The following GRHL2 variants were observed in gnomAD, a reference collection of about 807,000 sequenced individuals.
GRHL2 encodes grainyhead-like protein 2 homolog.
In GRHL2, 21 loss-of-function variants were observed where a neutral mutation model predicts 83.8. That is an observed-to-expected ratio of 0.25 (90% CI 0.18 to 0.36). The LOEUF (loss-of-function observed/expected upper bound fraction) is 0.36, where lower values mean the gene tolerates loss of function less well. GRHL2 is among the 10% of genes least tolerant of loss of function. The pLI is 1.00. For synonymous variants in GRHL2, 280 were observed against 278.9 expected (o/e 1.00, Z -0.04); for missense variants, 623 against 781.8 (o/e 0.80, Z 2.42).
At chr8:101,612,520 G>GATAGATAGATAC (rs371662487) in intron 8 of GRHL2, among the ~76,000 whole-genome samples, 2,951 of 123,638 alleles carry the variant, frequency 0.024, 89 homozygotes, top group African/African-American at 0.056. Flanking sequence ...TAGATAGATA[G>GATAGATAGATAC]ATACATACAT....
chr8:101,583,754 G>A (rs371360941), intron 7 of GRHL2, among the ~76,000 whole-genome samples: 5 of 152,160 alleles, frequency 3.3e-5, no homozygotes, highest in Admixed American at 2.6e-4. Context: ...CCACGTTCTC[G>A]GGAAGGCATA....
intron 8 of GRHL2, among the ~76,000 whole-genome samples, chr8:101,610,567 T>A (rs1413974993): frequency 6.6e-6 from 1 of 150,874 alleles, no homozygotes; most frequent in Non-Finnish European, 1.5e-5. Context: ...TTGACGATAG[T>A]AAAATTCTTT....
intron 1 of GRHL2, among the ~76,000 whole-genome samples, chr8:101,518,848 C>A (rs932992987): frequency 2.6e-5 from 4 of 152,144 alleles, no homozygotes; most frequent in Non-Finnish European, 4.4e-5. Flanking sequence ...GGCTTCTGTC[C>A]ATGTTGGGAG....
At chr8:101,634,535 C>T (rs1813249377) in intron 11 of GRHL2, among the ~76,000 whole-genome samples, 1 of 152,122 alleles carries the variant, frequency 6.6e-6, no homozygotes, top group Admixed American at 6.5e-5. Context: ...GCTGGTTTCC[C>T]TTAAGTGGGT....
Position 101,543,423 on chromosome 8 carries a change from A to G in GRHL2, c.203A>G (p.Tyr68Cys), listed in dbSNP as rs772426012. The change falls in exon 2 of 16, where the codon TAT becomes TGT. Residue 68 changes from tyrosine to cysteine, a missense_variant. Physicochemically the swap from Tyr to Cys is radical, Grantham distance 194 (BLOSUM62 -2). This residue lies in a region of GRHL2 where 239 missense variants were observed against 240.5 expected (regional missense o/e 0.99). Coordinates refer to ENST00000646743, the MANE Select transcript of GRHL2 (RefSeq NM_024915.4). Reference protein sequence around the residue: ...EDSAAALGLLYDYYKVPRDKR... With the variant: ...EDSAAALGLLCDYYKVPRDKR... ...AGTGCTGCTGCCCTCGGCCTGCTCTATGACTACTACAAGGTAGGTCCCCAG... is the reference window on the plus strand; with the variant it reads ...AGTGCTGCTGCCCTCGGCCTGCTCTGTGACTACTACAAGGTAGGTCCCCAG... 2 of 1,614,070 alleles carry G rather than the reference A, an allele frequency of 1.2e-6. No individual in the cohort carries two copies. Among genetic ancestry groups the G allele is most frequent in the Non-Finnish European group, 8.5e-7 (1 of 1,179,926 alleles).
Position 101,504,976 on chromosome 8 carries a change from A to G in GRHL2, c.20+12187A>G, listed in dbSNP as rs1467751734. Among the ~76,000 whole-genome samples the G allele has an allele frequency of 3.2e-5, 3 of 94,930 alleles. No individual in the cohort carries two copies. The East Asian group carries it at 1.4e-3, about 43-fold the overall frequency. 62.3% of individuals were successfully genotyped at this position (94,930 alleles called of 152,430 possible). A position where few individuals can be genotyped will look rare whatever the true frequency, so the allele number is the denominator to read the frequency against. ...CTGAAGTTGCCAACATTGCATTAGG[A>G]AAAAAAAAAAAAAAAGAGGAGGCTA... is the stretch of plus-strand genomic sequence containing the variant. On this transcript the variant is annotated intron_variant, in intron 1 of 15. Coordinates refer to ENST00000646743, the MANE Select transcript of GRHL2 (RefSeq NM_024915.4).
At chr8:101,645,723 C>T (rs1480145506) in intron 13 of GRHL2, among the ~76,000 whole-genome samples, 5 of 152,208 alleles carry the variant, frequency 3.3e-5, no homozygotes, top group Middle Eastern at 3.4e-3. Flanking sequence ...GGCAGCACTC[C>T]GTGTTCGCTG....
At chr8:101,552,979 TC>T (rs1340623900) in intron 3 of GRHL2, among the ~76,000 whole-genome samples, 197 bp downstream of exon 3, 1 of 152,222 alleles carries the variant, frequency 6.6e-6, no homozygotes, top group Admixed American at 6.5e-5. Context: ...CCAAAGGGTC[TC>T]TCCACCCTCT....
In GRHL2 at chr8:101,662,749, A is replaced by G. The variant is rs558496784; in HGVS notation, c.1699-1705A>G. ...CACAATGATTGTAAAAATAAATAGA[A>G]CAGAATTTTTCAAAATAAAAAGTAA... On this transcript the variant is annotated intron_variant, in intron 14 of 15. Coordinates refer to ENST00000646743, the MANE Select transcript of GRHL2 (RefSeq NM_024915.4). Among the ~76,000 whole-genome samples the G allele has an allele frequency of 2.1e-3, 313 of 152,254 alleles. 2 individuals carry two copies. The highest frequency in any genetic ancestry group is 3.0e-3 in the Non-Finnish European group (204 of 68,008).
intron 1 of GRHL2, among the ~76,000 whole-genome samples, chr8:101,515,965 A>C (rs1810564499): frequency 6.6e-6 from 1 of 152,192 alleles, no homozygotes; most frequent in South Asian, 2.1e-4. Context: ...AGAAAATGGG[A>C]GCGCAGGTTG....
chr8:101,620,026 CT>C (rs1024693154), intron 9 of GRHL2, among the ~76,000 whole-genome samples: 14 of 152,012 alleles, frequency 9.2e-5, no homozygotes, highest in Admixed American at 2.6e-4. Context: ...GTTCTAGAGG[CT>C]GGAAAGTCCA....
At chr8:101,499,072 CAAA>C (rs397965242) in intron 1 of GRHL2, among the ~76,000 whole-genome samples, 2 of 91,292 alleles carry the variant, frequency 2.2e-5, no homozygotes, top group African/African-American at 3.7e-5. Flanking sequence ...GACTCCGTCT[CAAA>C]AAAAAAAAAA....
intron 1 of GRHL2, among the ~76,000 whole-genome samples, chr8:101,532,221 T>C (rs1326516063): frequency 6.6e-6 from 1 of 152,226 alleles, no homozygotes; most frequent in African/African-American, 2.4e-5. Flanking sequence ...GAAAATTGGT[T>C]CATTAATTTC....
chr8:101,595,903 G>A (rs1052612137), intron 7 of GRHL2, among the ~76,000 whole-genome samples: 5 of 152,134 alleles, frequency 3.3e-5, no homozygotes, highest in African/African-American at 4.8e-5. Flanking sequence ...GGTGGATCAC[G>A]AGGTCAGGAG....
At chr8:101,502,835 CTTCT>C in intron 1 of GRHL2, among the ~76,000 whole-genome samples, 1 of 152,028 alleles carries the variant, frequency 6.6e-6, no homozygotes, top group African/African-American at 2.4e-5. Flanking sequence ...TCCCCTTCTC[CTTCT>C]TTTTTTTCTT....
intron 4 of GRHL2, among the ~76,000 whole-genome samples, chr8:101,560,244 G>A (rs1811581118): frequency 6.6e-6 from 1 of 152,106 alleles, no homozygotes; most frequent in South Asian, 2.1e-4. Flanking sequence ...TGTCAGGCTG[G>A]TCTTGAACTC....
intron 1 of GRHL2, among the ~76,000 whole-genome samples, chr8:101,538,133 T>G (rs143065150): frequency 2.6e-5 from 4 of 152,322 alleles, no homozygotes; most frequent in African/African-American, 9.6e-5. Context: ...AGTGTCTTTA[T>G]AAGTGGATTT....
chr8:101,611,918 CTCTT>C (rs1036959156), intron 8 of GRHL2, among the ~76,000 whole-genome samples: 1 of 151,092 alleles, frequency 6.6e-6, no homozygotes, highest in African/African-American at 2.5e-5. Flanking sequence ...TCTTCCATCT[CTCTT>C]TCTCCTGTCT....
chr8:101,675,062 A>G, the GRHL2 span, among the ~76,000 whole-genome samples: 5 of 152,168 alleles, frequency 3.3e-5, no homozygotes, highest in African/African-American at 1.2e-4. Flanking sequence ...CGTATCTCAA[A>G]ATAATAAGAG....
Sources: allele counts gnomAD v4.1 joint callset (sites outside exome capture counted in the v4.1 genomes callset), GRCh38; gene constraint gnomAD v4.1.1; regional missense constraint gnomAD v4.1.1; transcripts MANE v1.5; gene names NCBI Gene and HGNC (gene_info 2026-07-23, HGNC 2026-07-21).